The following RYR3 variants were observed in gnomAD, a reference collection of about 807,000 sequenced individuals.
The protein encoded by RYR3 is brain ryanodine receptor-calcium release channel.
A neutral mutation model predicts 584.3 loss-of-function variants in RYR3; 207 were observed. That is an observed-to-expected ratio of 0.35 (90% CI 0.32 to 0.40). RYR3 has a LOEUF of 0.40. RYR3 is among the 10% of genes least tolerant of loss of function. The pLI is 1.00. For missense variants in RYR3, 5,616 were observed against 6,089.2 expected, an observed-to-expected ratio of 0.92 and a Z score of 2.59; for synonymous variants, 2,416 against 2,248.5, an observed-to-expected ratio of 1.07 and a Z score of -2.11.
chr15:33,670,303 G>T (rs2063767571), intron 37 of RYR3, 116 bp from the exon 38 acceptor site: 5 of 1,033,584 alleles, frequency 4.8e-6, no homozygotes, highest in Non-Finnish European at 7.3e-6. Context: ...TAGAAAGCCT[G>T]TAGTATCTTT....
rs774150406 is a variant in RYR3 at position 33,579,956 on chromosome 15, G to A, written c.1269-20G>A. ...TGCTGCTGGCCAGTGCCTAAACCAT[G>A]TCAATCTCATGGTTTTTAGCGGAAA... is the stretch of plus-strand genomic sequence containing the variant. On this transcript the variant is annotated intron_variant, in intron 12 of 103. Coordinates refer to ENST00000634891, the MANE Select transcript of RYR3 (RefSeq NM_001036.6). The A allele has an allele frequency of 3.3e-5, 52 of 1,598,704 alleles. 1 individual carries two copies. In the South Asian group the frequency reaches 5.2e-4, roughly 16 times the overall value.
At chr15:33,819,970 C>T (rs1269585531) in intron 77 of RYR3, among the ~76,000 whole-genome samples, 163 bp downstream of exon 77, 2 of 152,176 alleles carry the variant, frequency 1.3e-5, no homozygotes, top group Non-Finnish European at 2.9e-5. Flanking sequence ...TATTAGTAAA[C>T]CAATTCACCG....
intron 67 of RYR3, among the ~76,000 whole-genome samples, chr15:33,793,738 C>T (rs1181934869): frequency 1.3e-5 from 2 of 151,842 alleles, no homozygotes; most frequent in African/African-American, 4.8e-5. Flanking sequence ...TTTGGGGGAA[C>T]ATTGGTAACT....
rs182262234 is a variant in RYR3 at position 33,456,423 on chromosome 15, C to T, written c.52-16996C>T. Among the ~76,000 whole-genome samples, 4 of 152,210 alleles carry T rather than the reference C, an allele frequency of 2.6e-5. No individual in the cohort carries two copies. In the East Asian group the frequency reaches 5.8e-4, roughly 22 times the overall value. Reference sequence around the variant, plus strand: ...AAAAGAAGTGTGCAAAATAGCATTACGTCTTTTTTTTATAAGCCCTGCTGT... The same window carrying T: ...AAAAGAAGTGTGCAAAATAGCATTATGTCTTTTTTTTATAAGCCCTGCTGT... On this transcript the variant is annotated intron_variant, in intron 1 of 103. Coordinates refer to ENST00000634891, the MANE Select transcript of RYR3 (RefSeq NM_001036.6).
At chr15:33,409,295 A>G (rs1449524300) in intron 1 of RYR3, among the ~76,000 whole-genome samples, 1 of 152,126 alleles carries the variant, frequency 6.6e-6, no homozygotes, top group Non-Finnish European at 1.5e-5. Flanking sequence ...TAAATAAATA[A>G]ATAAGTAAAA....
intron 1 of RYR3, among the ~76,000 whole-genome samples, chr15:33,381,759 T>C (rs1392791733): frequency 6.6e-6 from 1 of 152,176 alleles, no homozygotes; most frequent in South Asian, 2.1e-4. Context: ...GCACAGTCTG[T>C]TGCTCACCCA....
intron 35 of RYR3, 50 bp from the exon 36 acceptor site, chr15:33,663,480 TGCTAGCA>T: frequency 6.7e-7 from 1 of 1,486,632 alleles, no homozygotes; most frequent in South Asian, 1.2e-5. Context: ...AAAATGGGCA[TGCTAGCA>T]GCCTCACCAA....
intron 1 of RYR3, among the ~76,000 whole-genome samples, chr15:33,350,998 T>G (rs1459933167): frequency 2.0e-5 from 3 of 152,006 alleles, no homozygotes; most frequent in Admixed American, 2.0e-4. Context: ...ATCAACAAAA[T>G]TGATAGACCC....
intron 1 of RYR3, among the ~76,000 whole-genome samples, chr15:33,428,281 C>G (rs935109800): frequency 2.0e-4 from 30 of 152,162 alleles, no homozygotes; most frequent in African/African-American, 7.2e-4. Flanking sequence ...CACAATGATC[C>G]TTAACATGTG....
In RYR3 at chr15:33,859,743, A is replaced by T; in HGVS notation, c.14299+12A>T. 1 of 1,599,944 alleles carries T rather than the reference A, an allele frequency of 6.3e-7. No homozygotes were observed. On this transcript the variant is annotated intron_variant, in intron 100 of 103. Transcript: ENST00000634891. Reference sequence around the variant, plus strand: ...GGCCATCATTCAAGGTATGATTGCCAATTGTGTTGAGTATGAACAGGGTTT... The same window carrying T: ...GGCCATCATTCAAGGTATGATTGCCTATTGTGTTGAGTATGAACAGGGTTT...
intron 1 of RYR3, among the ~76,000 whole-genome samples, chr15:33,424,166 C>T (rs1402205395): frequency 6.6e-6 from 1 of 152,188 alleles, no homozygotes; most frequent in Admixed American, 6.5e-5. Context: ...AGAATGAGAA[C>T]CTGGTCTGAG....
At position 33,516,900 on chromosome 15, in the gene RYR3, G is replaced by A. The variant is rs142939018; in HGVS notation, c.279+13162G>A. Among the ~76,000 whole-genome samples the A allele has an allele frequency of 9.6e-3, 1,467 of 152,062 alleles. 19 individuals carry two copies. The highest frequency in any genetic ancestry group is 0.027 in the African/African-American group (1,130 of 41,462). Reference sequence around the variant, plus strand: ...CAGAATGGCTTAAAAAAAAAATAAGGAACCAATAAAGAATAACCTGGGTTA... The same window carrying A: ...CAGAATGGCTTAAAAAAAAAATAAGAAACCAATAAAGAATAACCTGGGTTA... On this transcript the variant is annotated intron_variant, in intron 3 of 103. Coordinates refer to ENST00000634891, the MANE Select transcript of RYR3 (RefSeq NM_001036.6).
At chr15:33,396,522 A>C (rs951837869) in intron 1 of RYR3, among the ~76,000 whole-genome samples, 2 of 152,194 alleles carry the variant, frequency 1.3e-5, no homozygotes, top group Admixed American at 6.5e-5. Flanking sequence ...TTTAGATGAG[A>C]GATCTCAAGC....
chr15:33,857,393 C>T (rs559149992), intron 98 of RYR3, among the ~76,000 whole-genome samples: 5 of 150,044 alleles, frequency 3.3e-5, no homozygotes, highest in Non-Finnish European at 5.9e-5. Flanking sequence ...CTAAGGATGC[C>T]GGTGAGATTG....
At chr15:33,764,970 G>A (rs1000338515) in intron 60 of RYR3, among the ~76,000 whole-genome samples, 1 of 143,592 alleles carries the variant, frequency 7.0e-6, no homozygotes, top group Non-Finnish European at 1.5e-5. Flanking sequence ...GGCAGAGGTT[G>A]CAGCGAGCCA....
At chr15:33,810,936 A>C in intron 71 of RYR3, 42 bp from the exon 72 acceptor site, 1 of 1,541,158 alleles carries the variant, frequency 6.5e-7, no homozygotes, top group Non-Finnish European at 8.9e-7. Flanking sequence ...TGACAGTTCC[A>C]TGGTGATCTC....
At chr15:33,541,868 G>C (rs1176395009) in intron 7 of RYR3, among the ~76,000 whole-genome samples, 2 of 152,082 alleles carry the variant, frequency 1.3e-5, no homozygotes, top group Admixed American at 1.3e-4. Context: ...CCACCCTCCT[G>C]GGTCTATTGT....
intron 67 of RYR3, among the ~76,000 whole-genome samples, chr15:33,791,808 A>G (rs536691241): frequency 6.6e-6 from 1 of 152,322 alleles, no homozygotes; most frequent in South Asian, 2.1e-4. Flanking sequence ...AAGATTTACC[A>G]TGGAATTTAA....
chr15:33,676,241 T>TTA (rs371854845), intron 38 of RYR3, among the ~76,000 whole-genome samples: 10 of 143,318 alleles, frequency 7.0e-5, no homozygotes, highest in Admixed American at 2.1e-4. Flanking sequence ...CTCTAGAAGG[T>TTA]AAAAAAAAAA....
Sources: allele counts gnomAD v4.1 joint callset (sites outside exome capture counted in the v4.1 genomes callset), GRCh38; gene constraint gnomAD v4.1.1; transcripts MANE v1.5; gene names NCBI Gene and HGNC (gene_info 2026-07-23, HGNC 2026-07-21).